Variants in VPS13B observed in about 807,000 individuals in gnomAD.
VPS13B encodes the protein vacuolar protein sorting 13 homolog B, also known as intermembrane lipid transfer protein VPS13B.
Under a neutral mutation model 426.4 loss-of-function variants are expected in VPS13B, and 285 were observed. The observed-to-expected ratio is 0.67, with a 90% confidence interval of 0.61 to 0.74. VPS13B has a LOEUF of 0.74. VPS13B is among the 30% of genes least tolerant of loss of function. The pLI, the probability that VPS13B is intolerant of heterozygous loss-of-function variation, is 0.00. For synonymous variants in VPS13B, 1,676 were observed against 1,676.4 expected (o/e 1.00, Z 0.01); for missense variants, 4,537 against 4,782.6 (o/e 0.95, Z 1.51).
At chr8:99,787,906 A>G (rs1442774180) in intron 43 of VPS13B, among the ~76,000 whole-genome samples, 1 of 152,118 alleles carries the variant, frequency 6.6e-6, no homozygotes, top group South Asian at 2.1e-4. Context: ...CATTTTTTTC[A>G]GAATTACAGA....
chr8:99,520,756 A>C lies in VPS13B; in HGVS notation c.4634-143A>C, dbSNP rs555890448. 2.8e-5 allele frequency: 18 copies of C among 638,890 alleles called. No homozygotes were observed. In the South Asian group the frequency reaches 3.3e-4, roughly 12 times the overall value. 39.6% of individuals were successfully genotyped at this position (638,890 alleles called of 1,614,324 possible). A position where few individuals can be genotyped will look rare whatever the true frequency, so the allele number is the denominator to read the frequency against. ...AGCATCAAAGATTTTTATTTTAAAC[A>C]TGATTTTTTTTCATTTTACTTTTTC... is the stretch of plus-strand genomic sequence containing the variant. On this transcript the variant is annotated intron_variant, in intron 29 of 61. Coordinates refer to ENST00000357162, the MANE Select transcript of VPS13B (RefSeq NM_152564.5).
rs56838971 is a variant in VPS13B, at chr8:99,200,640, T to A, written c.2515+7583T>A. On this transcript the variant is annotated intron_variant, in intron 17 of 61. Coordinates refer to ENST00000357162, the MANE Select transcript of VPS13B (RefSeq NM_152564.5). Reference sequence around the variant, plus strand: ...ATTATGATTTTCATTTTCATTTCCCTCATGGCTAATGATATTGAGTATCTT... The same window carrying A: ...ATTATGATTTTCATTTTCATTTCCCACATGGCTAATGATATTGAGTATCTT... Among the ~76,000 whole-genome samples, 245 of 152,220 alleles carry A rather than the reference T, an allele frequency of 1.6e-3. 1 individual carries two copies. The highest frequency in any genetic ancestry group is 5.7e-3 in the African/African-American group (238 of 41,554).
At chr8:99,610,615 A>C (rs1485442133) in intron 33 of VPS13B, among the ~76,000 whole-genome samples, 1 of 152,130 alleles carries the variant, frequency 6.6e-6, no homozygotes, top group East Asian at 1.9e-4. Flanking sequence ...GAGGGATAGC[A>C]TTAGGAGAAA....
At chr8:99,353,481 A>G (rs1236545514) in intron 19 of VPS13B, among the ~76,000 whole-genome samples, 1 of 152,162 alleles carries the variant, frequency 6.6e-6, no homozygotes, top group Non-Finnish European at 1.5e-5. Flanking sequence ...TAAAGGATTA[A>G]GGGATTATTA....
At chr8:99,174,126 T>C (rs1399083301) in intron 16 of VPS13B, among the ~76,000 whole-genome samples, 1 of 152,184 alleles carries the variant, frequency 6.6e-6, no homozygotes, top group Non-Finnish European at 1.5e-5. Flanking sequence ...GATTAATCCG[T>C]GTTGCAGCAT....
intron 36 of VPS13B, among the ~76,000 whole-genome samples, chr8:99,705,314 A>G (rs920401878): frequency 1.3e-5 from 2 of 152,250 alleles, no homozygotes; most frequent in African/African-American, 4.8e-5. Context: ...TTTTTCAAAA[A>G]ATGTCCCATA....
intron 19 of VPS13B, among the ~76,000 whole-genome samples, chr8:99,361,944 T>G (rs1812585060): frequency 6.6e-6 from 1 of 152,162 alleles, no homozygotes; most frequent in African/African-American, 2.4e-5. Flanking sequence ...ATTTTACATT[T>G]AAGAAATCTG....
At chr8:99,098,860 C>CT (rs1483360454) in intron 4 of VPS13B, among the ~76,000 whole-genome samples, 1 of 151,834 alleles carries the variant, frequency 6.6e-6, no homozygotes, top group Non-Finnish European at 1.5e-5. Flanking sequence ...TCTTTTTATA[C>CT]TTTTTTGTTA....
chr8:99,591,164 C>CTTTTTTTTTT (rs376201526), intron 33 of VPS13B, among the ~76,000 whole-genome samples: 2 of 96,534 alleles, frequency 2.1e-5, no homozygotes, highest in Non-Finnish European at 4.1e-5. Flanking sequence ...GCAACCGCTC[C>CTTTTTTTTTT]TTTTTTTTTT....
At chr8:99,527,039 A>T (rs1053687969) in intron 30 of VPS13B, among the ~76,000 whole-genome samples, 1 of 152,176 alleles carries the variant, frequency 6.6e-6, no homozygotes, top group Non-Finnish European at 1.5e-5. Context: ...TCATTTAAAA[A>T]ATATATTTTT....
chr8:99,402,868 G>A (rs1815114579), intron 21 of VPS13B, among the ~76,000 whole-genome samples: 1 of 152,208 alleles, frequency 6.6e-6, no homozygotes, highest in African/African-American at 2.4e-5. Context: ...TGCAGTCTAT[G>A]CAATGATGTT....
chr8:99,690,912 TATTC>T (rs1287791207), intron 35 of VPS13B, among the ~76,000 whole-genome samples: 1 of 152,156 alleles, frequency 6.6e-6, no homozygotes, highest in African/African-American at 2.4e-5. Context: ...TGCACACACA[TATTC>T]ATAGCAGCAT....
At chr8:99,559,661 G>C (rs1205511607) in intron 31 of VPS13B, among the ~76,000 whole-genome samples, 1 of 152,136 alleles carries the variant, frequency 6.6e-6, no homozygotes, top group Admixed American at 6.6e-5. Context: ...TATTATATAG[G>C]AAATCCTTTC....
intron 29 of VPS13B, among the ~76,000 whole-genome samples, chr8:99,513,973 A>T (rs1588452534): frequency 1.3e-5 from 2 of 152,190 alleles, no homozygotes; most frequent in East Asian, 3.8e-4. Context: ...TATCTATCTG[A>T]TGTCCTGAAA....
At chr8:99,262,846 G>A (rs1818115296) in intron 17 of VPS13B, among the ~76,000 whole-genome samples, 1 of 151,888 alleles carries the variant, frequency 6.6e-6, no homozygotes, top group Non-Finnish European at 1.5e-5. Context: ...GAGGGTAGTG[G>A]TATGACCATG....
chr8:99,298,985 TAGATGTGATCTGGAGTTTCAGTCCTGC>T (rs1820193667), intron 19 of VPS13B, among the ~76,000 whole-genome samples: 1 of 152,026 alleles, frequency 6.6e-6, no homozygotes, highest in Admixed American at 6.6e-5. Flanking sequence ...CTCTTAGAGT[TAGATGTGATCTGGAGTTTCAGTCCTGC>T]CACATTCCAA....
chr8:99,279,424 T>C (rs1281932580), intron 19 of VPS13B, among the ~76,000 whole-genome samples: 1 of 151,942 alleles, frequency 6.6e-6, no homozygotes, highest in Admixed American at 6.6e-5. Flanking sequence ...CACACCTGGC[T>C]AATTTTTGTA....
chr8:99,235,810 T>C (rs1326397893), intron 17 of VPS13B, among the ~76,000 whole-genome samples: 1 of 152,180 alleles, frequency 6.6e-6, no homozygotes, highest in Admixed American at 6.5e-5. Context: ...GAGATAGTTA[T>C]TAGAACTACT....
chr8:99,094,182 A>T (rs1456715708), intron 3 of VPS13B: 1 of 152,186 alleles, frequency 6.6e-6, no homozygotes, highest in Non-Finnish European at 1.5e-5. Flanking sequence ...TTTCATAATT[A>T]TGCTAGTTTT....
Sources: gnomAD v4.1 joint callset for allele counts (sites outside exome capture counted in the v4.1 genomes callset) on GRCh38, gnomAD v4.1.1 for gene constraint, MANE v1.5 for transcripts, NCBI Gene and HGNC (gene_info 2026-07-23, HGNC 2026-07-21) for gene names.